POLD1: variants seen among roughly 807,000 people sequenced by gnomAD.
POLD1 encodes DNA polymerase delta catalytic subunit.
In POLD1, 79 loss-of-function variants were observed where a neutral mutation model predicts 129.7. That is an observed-to-expected ratio of 0.61 (90% CI 0.51 to 0.73). The LOEUF is 0.73. POLD1 is among the 30% of genes least tolerant of loss of function. The pLI is 0.00. For synonymous variants in POLD1, 714 were observed against 683.3 expected, an observed-to-expected ratio of 1.04 and a Z score of -0.70; for missense variants, 1,338 against 1,595.8, an observed-to-expected ratio of 0.84 and a Z score of 2.75.
At chr19:50,392,298 A>G (rs1018391286) in intron 1 of POLD1, among the ~76,000 whole-genome samples, 3 of 152,006 alleles carry the variant, frequency 2.0e-5, no homozygotes, top group Non-Finnish European at 4.4e-5. Context: ...GAGTCTCACC[A>G]TGTTGCCTAG....
At chr19:50,402,836 G>C (rs951090665) in intron 8 of POLD1, 95 bp downstream of exon 8, 2 of 1,495,162 alleles carry the variant, frequency 1.3e-6, no homozygotes, top group Non-Finnish European at 1.8e-6. Flanking sequence ...CAAGCATGAA[G>C]GTGCCGGGGC....
chr19:50,388,748 T>C (rs1340118802), intron 1 of POLD1, among the ~76,000 whole-genome samples: 1 of 151,074 alleles, frequency 6.6e-6, no homozygotes, highest in Non-Finnish European at 1.5e-5. Flanking sequence ...CTGTACCTTT[T>C]GTCCTTTTTT....
At chr19:50,404,255 A>G (rs1345425516) in intron 10 of POLD1, among the ~76,000 whole-genome samples, 2 of 147,104 alleles carry the variant, frequency 1.4e-5, no homozygotes, top group African/African-American at 2.5e-5. Context: ...CTGTTTCCAC[A>G]TGTCCTCCCT....
intron 1 of POLD1, among the ~76,000 whole-genome samples, chr19:50,386,532 C>T (rs2037977352): frequency 6.6e-6 from 1 of 152,220 alleles, no homozygotes; most frequent in Admixed American, 6.5e-5. Flanking sequence ...AAGGAGCTCA[C>T]AGGCTGAAAG....
intron 10 of POLD1, among the ~76,000 whole-genome samples, chr19:50,404,419 C>T (rs1369393920): frequency 3.4e-5 from 5 of 148,868 alleles, no homozygotes; most frequent in African/African-American, 1.3e-4. Flanking sequence ...CCCGCCACCA[C>T]GCCTGGCTAA....
In POLD1 at chr19:50,411,839, C is replaced by CAA. The variant is rs34036962; in HGVS notation, c.2155-1574_2155-1573dup. 3.8e-4 allele frequency among the ~76,000 whole-genome samples: 49 copies of CAA among 129,748 alleles called. No individual in the cohort carries two copies. The South Asian group carries it at 4.1e-3, about 11-fold the overall frequency. The allele number at this position is 129,748 out of a possible 152,430, so 85.1% of individuals were successfully genotyped here. A position where few individuals can be genotyped will look rare whatever the true frequency, so the allele number is the denominator to read the frequency against. On this transcript the variant is annotated intron_variant, in intron 17 of 26. Coordinates refer to ENST00000440232, the MANE Select transcript of POLD1 (RefSeq NM_002691.4). ...TGGGCAACAGAGCAAAACTCCGTCT[C>CAA]AAAAAAAAAAAAAAGTAATGAATTA...
rs1049324921 is a variant in POLD1, at chr19:50,401,322, A to G, written c.317-456A>G. Among the ~76,000 whole-genome samples, 186 of 141,368 alleles carry G rather than the reference A, an allele frequency of 1.3e-3. 2 individuals are homozygous for G. The highest frequency in any genetic ancestry group is 4.2e-3 in the African/African-American group (159 of 38,224). 92.7% of individuals were successfully genotyped at this position (141,368 alleles called of 152,430 possible). A position where few individuals can be genotyped will look rare whatever the true frequency, so the allele number is the denominator to read the frequency against. On this transcript the variant is annotated intron_variant, in intron 3 of 26. Transcript: ENST00000440232. The stretch of plus-strand genomic sequence containing the variant: ...ATTAATATATTTTGTAGAGACAAAT[A>G]TATTTATTTGTACATATAATATGTG...
Position 50,403,237 on chromosome 19 carries a change from C to T in POLD1, c.1137+18C>T, listed in dbSNP as rs1432531701. ...TGCTGCAGGTAGCTCTCGCTCCACG[C>T]CCCACACCATTTCCCGGGGTCCCCG... On this transcript the variant is annotated intron_variant, in intron 9 of 26. Coordinates refer to ENST00000440232, the MANE Select transcript of POLD1 (RefSeq NM_002691.4). 20 of 1,531,718 alleles carry T rather than the reference C, an allele frequency of 1.3e-5. No individual in the cohort carries two copies. The Admixed American group carries it at 4.0e-4, about 31-fold the overall frequency. 94.9% of individuals were successfully genotyped at this position (1,531,718 alleles called of 1,614,324 possible). A position where few individuals can be genotyped will look rare whatever the true frequency, so the allele number is the denominator to read the frequency against.
chr19:50,407,139 C>T lies in POLD1; in HGVS notation c.1651C>T (p.Gln551Ter). ...CCTCAGCTACCTGCTCAGTCGTGGC[C>T]AGCAGGTCAAGGTCGTATCCCAGCT... Reference protein sequence around the residue: ...VPLSYLLSRGQQVKVVSQLLR... With the variant: ...VPLSYLLSRG The change falls in exon 13 of 27, where the codon CAG becomes TAG. Residue 551 changes from glutamine to a stop codon, truncating the protein, a stop_gained. Coordinates refer to ENST00000440232, the MANE Select transcript of POLD1 (RefSeq NM_002691.4). LOFTEE classifies it high-confidence loss of function. 1 of 1,612,782 alleles carries T rather than the reference C, an allele frequency of 6.2e-7. No individual in the cohort carries two copies. Among genetic ancestry groups the T allele is most frequent in the Non-Finnish European group, 8.5e-7 (1 of 1,179,480 alleles).
chr19:50,397,392 T>C (rs968598657), intron 1 of POLD1, among the ~76,000 whole-genome samples: 5 of 148,142 alleles, frequency 3.4e-5, no homozygotes, highest in Non-Finnish European at 7.4e-5. Flanking sequence ...GCAACAAGAG[T>C]GAGATTCTGT....
intron 1 of POLD1, among the ~76,000 whole-genome samples, chr19:50,391,525 G>C (rs950836524): frequency 6.6e-6 from 1 of 152,144 alleles, no homozygotes; most frequent in Non-Finnish European, 1.5e-5. Context: ...GCGAAACCCC[G>C]TCTCCACCAA....
rs796281117 is a variant in POLD1, at chr19:50,417,688, C to A, written c.3219-154C>A. ...TTATCGGCTCCCCCCCCCCACCCCC[C>A]CCGTGCCTGCTGAGCAAACAGCCCG... On this transcript the variant is annotated intron_variant, in intron 26 of 26. Coordinates refer to ENST00000440232, the MANE Select transcript of POLD1 (RefSeq NM_002691.4). Among the ~76,000 whole-genome samples the A allele has an allele frequency of 2.8e-3, 394 of 141,140 alleles. 9 individuals carry two copies. The highest frequency in any genetic ancestry group is 0.011 in the African/African-American group (372 of 33,726). 92.6% of individuals were successfully genotyped at this position (141,140 alleles called of 152,430 possible).
chr19:50,411,229 C>T (rs546244100), intron 17 of POLD1, among the ~76,000 whole-genome samples: 33 of 152,326 alleles, frequency 2.2e-4, no homozygotes, highest in African/African-American at 7.2e-4. Flanking sequence ...CAGGCAAGAG[C>T]CAGACCTTTC....
intron 24 of POLD1, 147 bp downstream of exon 24, chr19:50,416,870 A>C (rs2039317822): frequency 1.1e-6 from 1 of 935,984 alleles, no homozygotes; most frequent in Non-Finnish European, 1.6e-6. Flanking sequence ...CACCCCCCAC[A>C]GAGGGTCCTC....
At position 50,416,393 on chromosome 19, in the gene POLD1, C is replaced by T. The variant is rs2122489769; in HGVS notation, c.2821-3C>T. The T allele has an allele frequency of 6.5e-7, 1 of 1,548,712 alleles. No individual in the cohort carries two copies. The highest frequency in any genetic ancestry group is 8.7e-7 in the Non-Finnish European group (1 of 1,146,936). ...CCCGGGTGTGACTGCCATGTGGCCGCAGGACCCGCTGTTCGTGCTGGAGCA... is the reference window on the plus strand; with the variant it reads ...CCCGGGTGTGACTGCCATGTGGCCGTAGGACCCGCTGTTCGTGCTGGAGCA... On this transcript the variant is annotated splice_region_variant and splice_polypyrimidine_tract_variant and intron_variant, in intron 22 of 26. Transcript: ENST00000440232.
At chr19:50,410,040 G>C (rs1310939431) in intron 17 of POLD1, among the ~76,000 whole-genome samples, 1 of 152,182 alleles carries the variant, frequency 6.6e-6, no homozygotes, top group Non-Finnish European at 1.5e-5. Flanking sequence ...GACTGTCGGG[G>C]AGTGATGGGG....
rs1410656115 is a variant in POLD1 at position 50,417,117 on chromosome 19, A to G, written c.3120+20A>G. 1 of 1,567,262 alleles carries G rather than the reference A, an allele frequency of 6.4e-7. No individual in the cohort carries two copies. Among genetic ancestry groups the G allele is most frequent in the Non-Finnish European group, 8.7e-7 (1 of 1,155,526 alleles). On this transcript the variant is annotated intron_variant, in intron 25 of 26. Coordinates refer to ENST00000440232, the MANE Select transcript of POLD1 (RefSeq NM_002691.4). The stretch of plus-strand genomic sequence containing the variant: ...AAGGAGGTGAGAGGGCCGGGAGGTG[A>G]GGAGGGGCCAGGTGGGGAGGCGGGG...
intron 10 of POLD1, among the ~76,000 whole-genome samples, chr19:50,404,915 C>T (rs945501183): frequency 1.3e-5 from 2 of 152,092 alleles, no homozygotes; most frequent in African/African-American, 4.8e-5. Context: ...TTATAGGCAC[C>T]CGCTTCCATG....
At position 50,403,103 on chromosome 19, in the gene POLD1, G is replaced by T; in HGVS notation, c.1021G>T (p.Gly341Cys). 2 of 1,565,020 alleles carry T rather than the reference G, an allele frequency of 1.3e-6. No homozygotes were observed. Among genetic ancestry groups the T allele is most frequent in the Non-Finnish European group, 1.7e-6 (2 of 1,154,302 alleles). Residue 341 changes from glycine to cysteine, a missense_variant, in exon 9 of 27, where the codon GGC becomes TGC. This residue lies in a region of POLD1 where 720 missense variants were observed against 1,002.6 expected (regional missense o/e 0.72). Coordinates refer to ENST00000440232, the MANE Select transcript of POLD1 (RefSeq NM_002691.4). ...CCCTGTCATCCAGATCTGCTCGCTG[G>T]GCCTGCGCTGGGGGGAGCCGGAGCC... is the stretch of plus-strand genomic sequence containing the variant. Reference protein sequence around the residue: ...RDPVIQICSLGLRWGEPEPFL... With the variant: ...RDPVIQICSLCLRWGEPEPFL...
Sources: allele counts gnomAD v4.1 joint callset (sites outside exome capture counted in the v4.1 genomes callset), GRCh38; gene constraint gnomAD v4.1.1; regional missense constraint gnomAD v4.1.1; transcripts MANE v1.5; gene names NCBI Gene and HGNC (gene_info 2026-07-23, HGNC 2026-07-21).